Variants in CHERP observed in about 807,000 individuals in gnomAD.
The protein encoded by CHERP is ERPROT 213-21.
In CHERP, 8 loss-of-function variants were observed where a neutral mutation model predicts 113.8. That is an observed-to-expected ratio of 0.07 (90% confidence interval 0.04 to 0.13). CHERP has a LOEUF of 0.13. Among genes scored for constraint, CHERP ranks in the 10% least tolerant of loss-of-function variants. The pLI is 1.00. For synonymous variants in CHERP, 559 were observed against 524.5 expected, an observed-to-expected ratio of 1.07 and a Z score of -0.90; for missense variants, 884 against 1,298.2, an observed-to-expected ratio of 0.68 and a Z score of 4.90.
In CHERP at chr19:16,520,286, G is replaced by A. The variant is rs1466550515; in HGVS notation, c.2346-21C>T. On this transcript the variant is annotated intron_variant, in intron 14 of 16. Transcript: ENST00000546361. The surrounding 1 kb of genome is among the most constrained non-coding windows in gnomAD (Gnocchi z 4.0). ...GACTTCTGCAGGGAAGGGTGCCCAA[G>A]GGTCAGCAGCAGCCAGGCGTCGTGG... 1.2e-6 allele frequency: 2 copies of A among 1,613,452 alleles called. No individual in the cohort carries two copies. Among genetic ancestry groups the A allele is most frequent in the Non-Finnish European group, 1.7e-6 (2 of 1,179,818 alleles).
intron 11 of CHERP, among the ~76,000 whole-genome samples, chr19:16,522,130 C>T (rs2085621492): frequency 6.6e-6 from 1 of 152,212 alleles, no homozygotes; most frequent in African/African-American, 2.4e-5. Flanking sequence ...GGCCCCCGCC[C>T]GCAGCTCTCC....
In CHERP at chr19:16,519,673, A is replaced by G; in HGVS notation, c.2505T>C (p.Pro835=). Reference sequence around the variant, plus strand: ...TGTTCTCTTCTCCGAGCCTTGAGTCAGGGATGGGAGGCGCCGAATTAGAAC... The same window carrying G: ...TGTTCTCTTCTCCGAGCCTTGAGTCGGGGATGGGAGGCGCCGAATTAGAAC... The part of the protein sequence containing the change: ...GLGSNSAPPI[P]DSRLGEENKG... Residue 835 remains proline (P), a synonymous_variant, in exon 16 of 17, where the codon CCT becomes CCC. Coordinates refer to ENST00000546361, the MANE Select transcript of CHERP (RefSeq NM_006387.6). The surrounding 1 kb of genome is among the most constrained non-coding windows in gnomAD (Gnocchi z 6.0). 6.2e-7 allele frequency: 1 copy of G among 1,613,986 alleles called. No individual in the cohort carries two copies. Among genetic ancestry groups the G allele is most frequent in the African/African-American group, 1.3e-5 (1 of 75,052 alleles).
intron 11 of CHERP, among the ~76,000 whole-genome samples, chr19:16,522,298 G>A (rs2085623687): frequency 6.9e-6 from 1 of 145,404 alleles, no homozygotes; most frequent in Non-Finnish European, 1.5e-5. Flanking sequence ...TCCTGCTCTC[G>A]CCCAGGCTGG....
Position 16,541,967 on chromosome 19 carries a change from A to G in CHERP, c.102T>C (p.Thr34=), listed in dbSNP as rs2085783148. 3 of 1,613,994 alleles carry G rather than the reference A, an allele frequency of 1.9e-6. No homozygotes were observed. Among genetic ancestry groups the G allele is most frequent in the East Asian group, 2.2e-5 (1 of 44,880 alleles). Residue 34 remains threonine, a synonymous_variant, in exon 2 of 17, where the codon ACT becomes ACC. Transcript: ENST00000546361. ...ARNGPEFEKM[T]MEKQKDNPKF... is the part of the protein sequence containing the mutation. ...TGGGGTTGTCCTTCTGCTTCTCCAT[A>G]GTCATCTTCTCAAACTCGGGCCCAT...
intron 11 of CHERP, among the ~76,000 whole-genome samples, chr19:16,522,388 A>C (rs1434457039): frequency 6.6e-6 from 1 of 152,124 alleles, no homozygotes; most frequent in African/African-American, 2.4e-5. Context: ...CCTCCCGAGC[A>C]GCTGGGACTA....
Position 16,535,765 on chromosome 19 carries a change from G to C in CHERP, c.200-129C>G. On this transcript the variant is annotated intron_variant, in intron 2 of 16. Coordinates refer to ENST00000546361, the MANE Select transcript of CHERP (RefSeq NM_006387.6). The surrounding 1 kb of genome is among the most constrained non-coding windows in gnomAD (Gnocchi z 4.3). ...CACCATCCACGAGGGCCTGTTCATAGCCTCATGCCCACGCAAACCAGCTCC... is the reference window on the plus strand; with the variant it reads ...CACCATCCACGAGGGCCTGTTCATACCCTCATGCCCACGCAAACCAGCTCC... 1 of 862,182 alleles carries C rather than the reference G, an allele frequency of 1.2e-6. No individual in the cohort carries two copies. Among genetic ancestry groups the C allele is most frequent in the Non-Finnish European group, 1.7e-6 (1 of 582,558 alleles). The allele number at this position is 862,182 out of a possible 1,614,324, so 53.4% of individuals were successfully genotyped here. A position where few individuals can be genotyped will look rare whatever the true frequency, so the allele number is the denominator to read the frequency against.
At chr19:16,533,577 C>G (rs1394272831) in intron 3 of CHERP, among the ~76,000 whole-genome samples, 1 of 151,914 alleles carries the variant, frequency 6.6e-6, no homozygotes, top group African/African-American at 2.4e-5. Context: ...GGCAACGTAG[C>G]GAAACCTCAT....
At chr19:16,528,746 G>A (rs1023691824) in intron 8 of CHERP, among the ~76,000 whole-genome samples, 1 of 152,212 alleles carries the variant, frequency 6.6e-6, no homozygotes, top group Non-Finnish European at 1.5e-5. Context: ...AAGGTCAGGA[G>A]ATCGAGACCA....
At chr19:16,534,376 G>A (rs944820905) in intron 3 of CHERP, among the ~76,000 whole-genome samples, 1 of 152,208 alleles carries the variant, frequency 6.6e-6, no homozygotes, top group African/African-American at 2.4e-5. Flanking sequence ...ATATGACAGT[G>A]TGATTTTATG....
chr19:16,541,916 T>A lies in CHERP; in HGVS notation c.153A>T (p.Glu51Asp). ...GCTTGCACTTGTAGTAACTGTAGAA[T>A]TCGCCTCCGAAAAGAAACGAGAATT... ...NPKFSFLFGG[E>D]FYSYYKCKLA... The change falls in exon 2 of 17, where the codon GAA becomes GAT. Residue 51 changes from glutamate (E) to aspartate (D), a missense_variant. Transcript: ENST00000546361. 1 of 1,613,954 alleles carries A rather than the reference T, an allele frequency of 6.2e-7. No individual in the cohort carries two copies. Among genetic ancestry groups the A allele is most frequent in the Admixed American group, 1.7e-5 (1 of 60,022 alleles).
At chr19:16,534,707 C>G (rs571124656) in intron 3 of CHERP, among the ~76,000 whole-genome samples, 1 of 152,220 alleles carries the variant, frequency 6.6e-6, no homozygotes, top group African/African-American at 2.4e-5. Context: ...AACTCCTGAC[C>G]TCATGATCTG....
rs1246912917 is a variant in CHERP at position 16,525,804 on chromosome 19, C to T, written c.1306-127G>A. The T allele has an allele frequency of 6.2e-6, 5 of 809,464 alleles. No individual in the cohort carries two copies. The Admixed American group carries it at 1.0e-4, about 17-fold the overall frequency. 50.1% of individuals were successfully genotyped at this position (809,464 alleles called of 1,614,324 possible). On this transcript the variant is annotated intron_variant, in intron 9 of 16. Transcript: ENST00000546361. The surrounding 1 kb of genome is among the most constrained non-coding windows in gnomAD (Gnocchi z 6.5). ...AGGCGCTGCCCTGGCCACGTTGAGG[C>T]GCCTCCTACGCTGACGCCTGCGAGG...
At chr19:16,521,915 T>C (rs375088391) in intron 11 of CHERP, among the ~76,000 whole-genome samples, 1 of 152,210 alleles carries the variant, frequency 6.6e-6, no homozygotes, top group African/African-American at 2.4e-5. Flanking sequence ...ACAGGGGACA[T>C]GGTCTCCAAA....
chr19:16,520,221 T>A lies in CHERP; in HGVS notation c.2390A>T (p.Gln797Leu), dbSNP rs769641643. ...SRSSRSRSRS[Q>L]SRSRSKSYSP... ...GTACGACTTGGACCGGGACCGCGAC[T>A]GGGACCGGGAGCGGCTTCTGGAGGA... The change falls in exon 15 of 17, where the codon CAG becomes CTG. Residue 797 changes from glutamine (Q) to leucine (L), a missense_variant. By Grantham distance (113) the Gln-to-Leu change is moderately radical (BLOSUM62 -2). Transcript: ENST00000546361. This position sits in a 1 kb window ranked among gnomAD's most constrained non-coding sequence, Gnocchi z 4.0. 3.7e-6 allele frequency: 6 copies of A among 1,613,432 alleles called. No individual in the cohort carries two copies. The highest frequency in any genetic ancestry group is 2.5e-6 in the Non-Finnish European group (3 of 1,180,010).
At chr19:16,542,292 G>A in intron 1 of CHERP, 62 bp downstream of exon 1, 1 of 1,361,552 alleles carries the variant, frequency 7.3e-7, no homozygotes, top group South Asian at 1.7e-5. Flanking sequence ...CCGGGAGGCG[G>A]GGCCGGCCAA....
At position 16,535,405 on chromosome 19, in the gene CHERP, C is replaced by A; in HGVS notation, c.384+47G>T. 6.3e-7 allele frequency: 1 copy of A among 1,577,622 alleles called. No homozygotes were observed. Among genetic ancestry groups the A allele is most frequent in the Non-Finnish European group, 8.6e-7 (1 of 1,162,044 alleles). ...TGATGAGCAGACGCAAAAACAGAGG[C>A]ACAGGGGAGCTGCTGGTGTCTGGCC... On this transcript the variant is annotated intron_variant, in intron 3 of 16. Transcript: ENST00000546361. This position sits in a 1 kb window ranked among gnomAD's most constrained non-coding sequence, Gnocchi z 4.3.
At chr19:16,522,868 C>T (rs544128525) in intron 11 of CHERP, among the ~76,000 whole-genome samples, 184 bp downstream of exon 11, 44 of 152,230 alleles carry the variant, frequency 2.9e-4, no homozygotes, top group African/African-American at 9.6e-4. Context: ...GACATGGTGT[C>T]GCTCACAGCC....
Position 16,520,250 on chromosome 19 carries a change from C to A in CHERP, c.2361G>T (p.Ser787=). Reference sequence around the variant, plus strand: ...ACCGGGAGCGGCTTCTGGAGGAGCGCGACCTGCTCCGACTTCTGCAGGGAA... The same window carrying A: ...ACCGGGAGCGGCTTCTGGAGGAGCGAGACCTGCTCCGACTTCTGCAGGGAA... ...SRSRSRSRSR[S]RSSRSRSRSQ... Residue 787 remains serine, a synonymous_variant, in exon 15 of 17, where the codon TCG becomes TCT. Transcript: ENST00000546361. The surrounding 1 kb of genome is among the most constrained non-coding windows in gnomAD (Gnocchi z 4.0). The A allele has an allele frequency of 1.2e-6, 2 of 1,613,350 alleles. No homozygotes were observed. The highest frequency in any genetic ancestry group is 1.7e-6 in the Non-Finnish European group (2 of 1,180,002).
At position 16,525,035 on chromosome 19, in the gene CHERP, C is replaced by T. The variant is rs1461388517; in HGVS notation, c.1741+207G>A. Among the ~76,000 whole-genome samples, 2 of 152,226 alleles carry T rather than the reference C, an allele frequency of 1.3e-5. No individual in the cohort carries two copies. The highest frequency in any genetic ancestry group is 2.9e-5 in the Non-Finnish European group (2 of 68,040). ...CCTACTGGCTCTGCCTCATCTGCAG[C>T]CAGCCGGGCCTCATCAGGGCGGCAA... On this transcript the variant is annotated intron_variant, in intron 10 of 16. Coordinates refer to ENST00000546361, the MANE Select transcript of CHERP (RefSeq NM_006387.6). The surrounding 1 kb of genome is among the most constrained non-coding windows in gnomAD (Gnocchi z 6.5).
Sources: gnomAD v4.1 joint callset for allele counts (sites outside exome capture counted in the v4.1 genomes callset) on GRCh38, gnomAD v4.1.1 for gene constraint, Gnocchi (gnomAD v3.1) non-coding constraint, MANE v1.5 for transcripts, NCBI Gene and HGNC (gene_info 2026-07-23, HGNC 2026-07-21) for gene names.